TAPT1: variants seen among roughly 807,000 people sequenced by gnomAD.
The protein encoded by TAPT1 is transmembrane anterior posterior transformation 1.
A neutral mutation model predicts 65.6 loss-of-function variants in TAPT1; 28 were observed. The observed-to-expected ratio is 0.43, with a 90% CI of 0.32 to 0.59. The LOEUF (loss-of-function observed/expected upper bound fraction) is 0.59, where lower values mean the gene tolerates loss of function less well. Ranked by LOEUF, TAPT1 falls within the 20% of genes least tolerant of loss-of-function variation. TAPT1 has a pLI of 0.09. For synonymous variants in TAPT1, 278 were observed against 245.2 expected (o/e 1.13, Z -1.25); for missense variants, 563 against 679.9 (o/e 0.83, Z 1.91).
intron 3 of TAPT1, among the ~76,000 whole-genome samples, chr4:16,191,943 C>T (rs145651241): frequency 6.7e-4 from 102 of 152,304 alleles, no homozygotes; most frequent in African/African-American, 2.3e-3. Flanking sequence ...CTTTATTTAA[C>T]GGCATGATAT....
intron 3 of TAPT1, among the ~76,000 whole-genome samples, chr4:16,196,998 CT>C (rs1749745896): frequency 6.6e-6 from 1 of 152,046 alleles, no homozygotes; most frequent in African/African-American, 2.4e-5. Context: ...TTAATTTTGT[CT>C]AAAAAGAGAA....
intron 9 of TAPT1, 103 bp from the exon 10 acceptor site, chr4:16,174,832 C>A: frequency 1.2e-6 from 1 of 840,694 alleles, no homozygotes. Context: ...TAACCAGGAA[C>A]AAGTGCTAAT....
intron 1 of TAPT1, chr4:16,225,871 C>T (rs539874505): frequency 5.8e-4 from 575 of 985,470 alleles, no homozygotes; most frequent in Non-Finnish European, 6.6e-4. Flanking sequence ...CAAAAAAAGT[C>T]ACCTTGGCAT....
intron 8 of TAPT1, among the ~76,000 whole-genome samples, chr4:16,178,563 T>C (rs1748498144): frequency 6.6e-6 from 1 of 152,232 alleles, no homozygotes; most frequent in Admixed American, 6.5e-5. Flanking sequence ...CATTTCCCAC[T>C]TAGCTCACTT....
intron 9 of TAPT1, 86 bp from the exon 10 acceptor site, chr4:16,174,815 TAATAATTA>T: frequency 1.0e-6 from 1 of 976,348 alleles, no homozygotes; most frequent in Non-Finnish European, 1.5e-6. Context: ...TAAAAACATT[TAATAATTA>T]ACCAGGAACA....
chr4:16,177,243 C>T (rs73234637), intron 8 of TAPT1, among the ~76,000 whole-genome samples: 20,935 of 152,190 alleles, frequency 0.14, 1,826 homozygotes, highest in African/African-American at 0.24. Context: ...TTATCACTTG[C>T]ACACCCAAAC....
intron 1 of TAPT1, among the ~76,000 whole-genome samples, chr4:16,218,884 C>T (rs1357829860): frequency 3.3e-5 from 5 of 152,084 alleles, no homozygotes; most frequent in Non-Finnish European, 5.9e-5. Context: ...CATATATCAT[C>T]TAAGTAATTT....
intron 2 of TAPT1, 34 bp from the exon 3 acceptor site, chr4:16,202,614 A>G (rs1750105469): frequency 8.7e-7 from 1 of 1,154,136 alleles, no homozygotes; most frequent in South Asian, 1.5e-5. Context: ...AAAAAAAAAA[A>G]GTATTTTAAA....
intron 1 of TAPT1, among the ~76,000 whole-genome samples, chr4:16,219,258 T>C (rs1751112428): frequency 6.6e-6 from 1 of 152,226 alleles, no homozygotes; most frequent in Non-Finnish European, 1.5e-5. Context: ...TTGCCTATTA[T>C]TGCCTCAAGT....
Position 16,170,636 on chromosome 4 carries a change from T to C in TAPT1, c.1313+17A>G, listed in dbSNP as rs1196685307. 4 of 1,594,672 alleles carry C rather than the reference T, an allele frequency of 2.5e-6. No individual in the cohort carries two copies. The highest frequency in any genetic ancestry group is 1.1e-5 in the South Asian group (1 of 90,430). ...GCTTTACTGTATAGCCAAAAACATATTCAAGAATAATCTTACCCAAAATAG... is the reference window on the plus strand; with the variant it reads ...GCTTTACTGTATAGCCAAAAACATACTCAAGAATAATCTTACCCAAAATAG... On this transcript the variant is annotated intron_variant, in intron 12 of 13. Coordinates refer to ENST00000405303, the MANE Select transcript of TAPT1 (RefSeq NM_153365.3).
chr4:16,168,148 T>C (rs1747760237), intron 12 of TAPT1, among the ~76,000 whole-genome samples: 1 of 151,680 alleles, frequency 6.6e-6, no homozygotes, highest in Admixed American at 6.6e-5. Flanking sequence ...CAGTCTTGCA[T>C]TGTCGCCCAG....
chr4:16,212,332 C>T (rs550971252), intron 2 of TAPT1, among the ~76,000 whole-genome samples: 1 of 152,198 alleles, frequency 6.6e-6, no homozygotes, highest in Non-Finnish European at 1.5e-5. Flanking sequence ...AAATACAGGC[C>T]CTGGCAGGCT....
intron 2 of TAPT1, 74 bp from the exon 3 acceptor site, chr4:16,202,654 C>G: frequency 1.3e-6 from 1 of 785,584 alleles, no homozygotes; most frequent in Non-Finnish European, 2.0e-6. Flanking sequence ...TCCAAACAAC[C>G]AGAATTTCTA....
intron 1 of TAPT1, among the ~76,000 whole-genome samples, chr4:16,220,278 T>C (rs1399548613): frequency 6.6e-6 from 1 of 152,252 alleles, no homozygotes. Context: ...TCTTAACTTC[T>C]GTCAGACTTT....
intron 9 of TAPT1, 82 bp downstream of exon 9, chr4:16,176,033 TAACA>T (rs1748300942): frequency 1.8e-5 from 11 of 616,304 alleles, no homozygotes; most frequent in Non-Finnish European, 3.0e-5. Context: ...CTTAAAGTAT[TAACA>T]AACTCCTATT....
upstream of TAPT1, chr4:16,227,130 G>A: frequency 2.2e-6 from 1 of 455,814 alleles, no homozygotes. Context: ...TCCTTTGGCA[G>A]TTTCCAAAGC....
chr4:16,182,358 C>T (rs752910379), intron 7 of TAPT1, among the ~76,000 whole-genome samples: 17 of 152,130 alleles, frequency 1.1e-4, no homozygotes, highest in Non-Finnish European at 2.4e-4. Context: ...CGGATTAGAA[C>T]TGAACTCTTA....
intron 1 of TAPT1, chr4:16,225,933 G>T (rs372445199): frequency 3.8e-5 from 38 of 989,076 alleles, no homozygotes; most frequent in Non-Finnish European, 4.6e-5. Context: ...GCTCCGAGAC[G>T]TGGGAGATGC....
chr4:16,212,874 T>C (rs973736683), intron 2 of TAPT1, among the ~76,000 whole-genome samples: 1 of 152,200 alleles, frequency 6.6e-6, no homozygotes, highest in African/African-American at 2.4e-5. Flanking sequence ...TTTTCTTCTA[T>C]TAAACTGATA....
Sources: gnomAD v4.1 joint callset for allele counts (sites outside exome capture counted in the v4.1 genomes callset) on GRCh38, gnomAD v4.1.1 for gene constraint, MANE v1.5 for transcripts, NCBI Gene and HGNC (gene_info 2026-07-23, HGNC 2026-07-21) for gene names.